The following ATG101 variants were observed in gnomAD, a reference collection of about 807,000 sequenced individuals.
ATG101 encodes autophagy related 101.
Under a neutral mutation model 16.7 loss-of-function variants are expected in ATG101, and 6 were observed. The ratio of observed to expected loss-of-function variants is 0.36; its 90% confidence interval spans 0.20 to 0.71. The LOEUF (loss-of-function observed/expected upper bound fraction) is 0.71. Ranked by LOEUF, ATG101 falls within the 30% of genes least tolerant of loss-of-function variation. The pLI, the probability that ATG101 is intolerant of heterozygous loss-of-function variation, is 0.57. For synonymous variants in ATG101, 108 were observed against 118.1 expected (o/e 0.91, Z 0.56); for missense variants, 200 against 292.5 (o/e 0.68, Z 2.31).
At chr12:52,068,471 A>G (rs578199253), upstream of ATG101, among the ~76,000 whole-genome samples, 1 of 151,762 alleles carries the variant, frequency 6.6e-6, no homozygotes, top group African/African-American at 2.4e-5. Flanking sequence ...CCTCCACCTC[A>G]GCCTCTGAAG....
chr12:52,065,476 T>C (rs1052907891), upstream of ATG101, among the ~76,000 whole-genome samples: 33 of 152,310 alleles, frequency 2.2e-4, no homozygotes, highest in African/African-American at 7.5e-4. Flanking sequence ...TAGAATGAGA[T>C]AATTCATCCC....
At chr12:52,071,992 G>A (rs1939657558) in intron 2 of ATG101, among the ~76,000 whole-genome samples, 2 of 152,136 alleles carry the variant, frequency 1.3e-5, no homozygotes, top group African/African-American at 4.8e-5. Flanking sequence ...TAGTTCTCAA[G>A]TCTCTTGTTC....
At chr12:52,073,228 T>G (rs908693888) in intron 2 of ATG101, among the ~76,000 whole-genome samples, 2 of 152,206 alleles carry the variant, frequency 1.3e-5, no homozygotes, top group African/African-American at 4.8e-5. Flanking sequence ...CTGTACTCTC[T>G]CCGTGGTGAT....
chr12:52,077,432 T>C lies in ATG101; in HGVS notation c.*242T>C, dbSNP rs1317267746. ...GCCCTGGTGGGGTCCCCCTTCTTTC[T>C]CCACTGTACAGAAGAGCCACCACTG... On this transcript the variant is annotated 3_prime_UTR_variant, in exon 4 of 4. Transcript: ENST00000336854. 9 of 558,490 alleles carry C rather than the reference T, an allele frequency of 1.6e-5. No homozygotes were observed. The highest frequency in any genetic ancestry group is 2.6e-5 in the Non-Finnish European group (8 of 313,686). 34.6% of individuals were successfully genotyped at this position (558,490 alleles called of 1,614,324 possible). A position where few individuals can be genotyped will look rare whatever the true frequency, so the allele number is the denominator to read the frequency against.
chr12:52,074,483 G>A (rs1201211653), intron 3 of ATG101, among the ~76,000 whole-genome samples: 1 of 152,018 alleles, frequency 6.6e-6, no homozygotes, highest in Admixed American at 6.5e-5. Flanking sequence ...CATTGAGTGC[G>A]TACTTTTACA....
intron 2 of ATG101, chr12:52,070,697 T>C (rs1032825694): frequency 6.6e-6 from 1 of 152,274 alleles, no homozygotes; most frequent in Non-Finnish European, 1.5e-5. Context: ...CAGGACTGAC[T>C]TCTTGGAGGA....
intron 2 of ATG101, among the ~76,000 whole-genome samples, chr12:52,071,705 C>G (rs1025023789): frequency 1.3e-5 from 2 of 152,072 alleles, no homozygotes; most frequent in Admixed American, 1.3e-4. Context: ...GTGTTCCCAG[C>G]TGCTTGGGAG....
chr12:52,074,202 G>A (rs755651514), intron 3 of ATG101, among the ~76,000 whole-genome samples: 3 of 152,208 alleles, frequency 2.0e-5, no homozygotes, highest in Non-Finnish European at 4.4e-5. Context: ...TTGCTTCTGT[G>A]GTCTTGACCT....
Position 52,077,155 on chromosome 12 carries a change from A to G in ATG101, c.622A>G (p.Met208Val). ...CCTGGGCACCTCAGTCACCACCACC[A>G]TGCGCAGGCTCATCAAAGACACCCT... ...DALGTSVTTT[M>V]RRLIKDTLAL The change falls in exon 4 of 4, where the codon ATG becomes GTG. Residue 208 changes from methionine (M) to valine (V), a missense_variant. By Grantham distance (21) the Met-to-Val change is conservative (BLOSUM62 1). Coordinates refer to ENST00000336854, the MANE Select transcript of ATG101 (RefSeq NM_021934.5). The G allele has an allele frequency of 6.2e-7, 1 of 1,614,034 alleles. No homozygotes were observed. Among genetic ancestry groups the G allele is most frequent in the Admixed American group, 1.7e-5 (1 of 60,026 alleles).
upstream of ATG101, among the ~76,000 whole-genome samples, chr12:52,068,410 A>G (rs1010983664): frequency 1.3e-5 from 2 of 151,244 alleles, no homozygotes; most frequent in African/African-American, 4.9e-5. Flanking sequence ...CCTGCAATGC[A>G]GTGGCGTGAT....
upstream of ATG101, among the ~76,000 whole-genome samples, chr12:52,067,446 G>T (rs886839321): frequency 3.3e-5 from 5 of 152,176 alleles, no homozygotes; most frequent in Non-Finnish European, 1.5e-5. Flanking sequence ...GGAGAGTGGT[G>T]GTACATAGGA....
chr12:52,066,117 T>A (rs1939547693), upstream of ATG101, among the ~76,000 whole-genome samples: 1 of 152,190 alleles, frequency 6.6e-6, no homozygotes, highest in Non-Finnish European at 1.5e-5. Flanking sequence ...CCTCAGGTGA[T>A]CTGCCTGCCT....
chr12:52,076,323 AG>A (rs1288031092), intron 3 of ATG101, among the ~76,000 whole-genome samples: 4 of 152,176 alleles, frequency 2.6e-5, no homozygotes, highest in African/African-American at 9.7e-5. Context: ...AAAGGTGAAA[AG>A]CAAGGATTTA....
intron 2 of ATG101, chr12:52,071,023 G>C (rs746898075): frequency 6.6e-6 from 1 of 152,206 alleles, no homozygotes; most frequent in Admixed American, 6.5e-5. Flanking sequence ...AAGGTACTAG[G>C]AATTACCATT....
Position 52,070,002 on chromosome 12 carries a change from C to A in ATG101, c.-447C>A, listed in dbSNP as rs1282566375. On this transcript the variant is annotated 5_prime_UTR_variant, in exon 1 of 4. Coordinates refer to ENST00000336854, the MANE Select transcript of ATG101 (RefSeq NM_021934.5). ...TCCGGTCCCGGCTCAGCCTCCGACC[C>A]AGGTGGTCTGGAGCCTGCCGGGAGA... The A allele has an allele frequency of 1.3e-5, 2 of 152,452 alleles. No individual in the cohort carries two copies. The highest frequency in any genetic ancestry group is 2.9e-5 in the Non-Finnish European group (2 of 68,266). 9.4% of individuals were successfully genotyped at this position (152,452 alleles called of 1,614,324 possible).
At chr12:52,068,044 A>C (rs1230028981), upstream of ATG101, among the ~76,000 whole-genome samples, 4 of 150,250 alleles carry the variant, frequency 2.7e-5, no homozygotes, top group South Asian at 8.4e-4. Flanking sequence ...TGTTAGAAAA[A>C]TCAGCTTTTT....
rs1565662698 is a variant in ATG101 at position 52,076,767 on chromosome 12, T to C, written c.253-19T>C. ...GAACTCAGAGGCCTTGGCTTGCTCATTCGTTCCCTTCTTCCCAGGATGCAC... is the reference window on the plus strand; with the variant it reads ...GAACTCAGAGGCCTTGGCTTGCTCACTCGTTCCCTTCTTCCCAGGATGCAC... On this transcript the variant is annotated intron_variant, in intron 3 of 3. Transcript: ENST00000336854. 1.2e-6 allele frequency: 2 copies of C among 1,607,546 alleles called. No individual in the cohort carries two copies. Among genetic ancestry groups the C allele is most frequent in the Middle Eastern group, 1.7e-4 (1 of 6,038 alleles).
At chr12:52,071,730 C>T (rs967196878) in intron 2 of ATG101, among the ~76,000 whole-genome samples, 1 of 152,018 alleles carries the variant, frequency 6.6e-6, no homozygotes, top group African/African-American at 2.4e-5. Context: ...GGATGGGAGC[C>T]TGGGAGGCAG....
At chr12:52,068,584 C>T (rs1449451798), upstream of ATG101, among the ~76,000 whole-genome samples, 1 of 151,988 alleles carries the variant, frequency 6.6e-6, no homozygotes, top group East Asian at 1.9e-4. Context: ...CTTGAACCCC[C>T]GGCCCCAGGT....
Sources: gnomAD v4.1 joint callset for allele counts (sites outside exome capture counted in the v4.1 genomes callset) on GRCh38, gnomAD v4.1.1 for gene constraint, MANE v1.5 for transcripts, NCBI Gene and HGNC (gene_info 2026-07-23, HGNC 2026-07-21) for gene names.